Variants in DNAH8 observed in about 807,000 individuals in gnomAD.
DNAH8 encodes dynein axonemal heavy chain 8, also known as axonemal beta dynein heavy chain 8.
DNAH8 carries 382 observed loss-of-function variants against 562.1 expected under a neutral mutation model. The ratio of observed to expected loss-of-function variants is 0.68; its 90% confidence interval spans 0.63 to 0.74. DNAH8 has a LOEUF of 0.74. Among genes scored for constraint, DNAH8 ranks in the 30% least tolerant of loss-of-function variants. DNAH8 has a pLI of 0.00. For synonymous variants in DNAH8, 1,881 were observed against 1,919.4 expected (o/e 0.98, Z 0.52); for missense variants, 5,203 against 5,620.4 (o/e 0.93, Z 2.37).
At chr6:39,025,313 CGTT>C (rs1310654091) in intron 91 of DNAH8, among the ~76,000 whole-genome samples, 1 of 152,170 alleles carries the variant, frequency 6.6e-6, no homozygotes, top group Admixed American at 6.5e-5. Context: ...ATAATGACAA[CGTT>C]GTGTCAATGT....
intron 37 of DNAH8, among the ~76,000 whole-genome samples, chr6:38,849,739 A>G (rs1775591834): frequency 1.3e-5 from 2 of 152,176 alleles, no homozygotes; most frequent in Admixed American, 6.5e-5. Context: ...TACAAAGCTT[A>G]ATATCATTCA....
chr6:39,008,899 C>G lies in DNAH8; in HGVS notation c.13300C>G (p.Arg4434Gly). Residue 4434 changes from arginine to glycine, a missense_variant, in exon 89 of 93, where the codon CGG becomes GGG. Arg to Gly is a moderately radical substitution (Grantham distance 125, BLOSUM62 -2). Around this residue, in one of 6 missense-constraint regions of DNAH8, gnomAD observed 1,399 missense variants for 1,518.4 expected, o/e 0.92. Transcript: ENST00000327475. ...KESGGGVGET[R>G]EAIVYRLSED... The stretch of plus-strand genomic sequence containing the variant: ...GAGTGGAGGTGGTGTGGGAGAGACC[C>G]GGGAGGCTATTGTTTATAGATTATC... 1.2e-6 allele frequency: 2 copies of G among 1,607,510 alleles called. No individual in the cohort carries two copies. The highest frequency in any genetic ancestry group is 1.7e-5 in the Admixed American group (1 of 59,970).
intron 10 of DNAH8, among the ~76,000 whole-genome samples, chr6:38,756,490 CAA>C (rs1048718333): frequency 6.6e-5 from 10 of 151,628 alleles, no homozygotes; most frequent in Non-Finnish European, 1.0e-4. Flanking sequence ...AATGATTAAA[CAA>C]TATATATTTA....
chr6:38,723,005 C>A lies in DNAH8; in HGVS notation c.196C>A (p.Pro66Thr). Reference sequence around the variant, plus strand: ...TGTGGTGGATTATCGGGATCTCATTCCTTCTGAAGAAGGGATAGTTCTTCC... The same window carrying A: ...TGTGGTGGATTATCGGGATCTCATTACTTCTGAAGAAGGGATAGTTCTTCC... Reference protein sequence around the residue: ...SSVVDYRDLIPSEEGIVLPDD... With the variant: ...SSVVDYRDLITSEEGIVLPDD... The change falls in exon 2 of 93, where the codon CCT becomes ACT. Residue 66 changes from proline to threonine, a missense_variant. Transcript: ENST00000327475. 6.2e-7 allele frequency: 1 copy of A among 1,612,796 alleles called. No homozygotes were observed. Among genetic ancestry groups the A allele is most frequent in the Non-Finnish European group, 8.5e-7 (1 of 1,179,850 alleles).
In DNAH8 at chr6:38,883,018, ATT is replaced by A; in HGVS notation, c.7972_7973del (p.Leu2658AspfsTer9). ...CCAAATGTTGACAATATTAGAACAAATTTTTTGATAGACACCATTGCAAAACA... is the reference window on the plus strand; with the variant it reads ...CCAAATGTTGACAATATTAGAACAAATTTTGATAGACACCATTGCAAAACA... On this transcript the variant is annotated frameshift_variant, in exon 54 of 93. Transcript: ENST00000327475. LOFTEE classifies it high-confidence loss of function. The A allele has an allele frequency of 6.2e-7, 1 of 1,601,760 alleles. No homozygotes were observed. Among genetic ancestry groups the A allele is most frequent in the South Asian group, 1.1e-5 (1 of 87,344 alleles).
At chr6:38,774,646 GTC>G (rs1229279754) in intron 12 of DNAH8, among the ~76,000 whole-genome samples, 1 of 152,208 alleles carries the variant, frequency 6.6e-6, no homozygotes, top group Non-Finnish European at 1.5e-5. Flanking sequence ...TTTTGTCCTA[GTC>G]TCTGGCTGTT....
intron 9 of DNAH8, among the ~76,000 whole-genome samples, chr6:38,754,158 A>C (rs531014086): frequency 7.2e-5 from 11 of 152,258 alleles, no homozygotes; most frequent in Admixed American, 5.2e-4. Flanking sequence ...GACATATGAG[A>C]TATCTGAGCA....
chr6:38,902,153 C>G (rs1257648369), intron 62 of DNAH8, among the ~76,000 whole-genome samples: 2 of 152,170 alleles, frequency 1.3e-5, no homozygotes, highest in African/African-American at 4.8e-5. Flanking sequence ...AATTTATTCA[C>G]TATATTTTCT....
At chr6:39,003,531 CA>C (rs1349310743) in intron 88 of DNAH8, among the ~76,000 whole-genome samples, 1 of 152,132 alleles carries the variant, frequency 6.6e-6, no homozygotes, top group Non-Finnish European at 1.5e-5. Context: ...AAAAGCTCAT[CA>C]TACAAAAATC....
chr6:38,971,090 C>T (rs1430987302), intron 82 of DNAH8, among the ~76,000 whole-genome samples: 1 of 152,106 alleles, frequency 6.6e-6, no homozygotes, highest in Non-Finnish European at 1.5e-5. Context: ...GAAAAATGAT[C>T]AAACATACAA....
intron 52 of DNAH8, among the ~76,000 whole-genome samples, chr6:38,873,727 TACAC>T (rs762717515): frequency 0.01 from 996 of 96,470 alleles, 15 homozygotes; most frequent in African/African-American, 0.027. Context: ...CACATACACC[TACAC>T]ACACACACAC....
intron 30 of DNAH8, among the ~76,000 whole-genome samples, chr6:38,830,768 T>C (rs1773771282): frequency 6.6e-6 from 1 of 152,062 alleles, no homozygotes; most frequent in African/African-American, 2.4e-5. Flanking sequence ...TTGTCACTTA[T>C]ACTGAAGCAA....
intron 85 of DNAH8, 80 bp downstream of exon 85, chr6:38,974,609 G>T (rs1193691668): frequency 2.6e-6 from 3 of 1,168,562 alleles, no homozygotes; most frequent in East Asian, 2.3e-5. Context: ...TTCCAGGAGG[G>T]TGCTATCCGT....
At chr6:38,814,270 T>G in intron 25 of DNAH8, 141 bp downstream of exon 25, 4 of 605,130 alleles carry the variant, frequency 6.6e-6, no homozygotes, top group South Asian at 2.2e-5. Flanking sequence ...GAAATGTCAT[T>G]TATATCTGTT....
At chr6:38,874,529 C>T in intron 52 of DNAH8, among the ~76,000 whole-genome samples, 1 of 151,074 alleles carries the variant, frequency 6.6e-6, no homozygotes. Context: ...ACCACCATGC[C>T]CAGCTAATTT....
At chr6:38,789,620 A>G (rs1769507588) in intron 18 of DNAH8, among the ~76,000 whole-genome samples, 183 bp from the exon 19 acceptor site, 1 of 152,224 alleles carries the variant, frequency 6.6e-6, no homozygotes, top group African/African-American at 2.4e-5. Context: ...TTTAAAGGAG[A>G]TGCTCAGGTA....
In DNAH8 at chr6:38,781,171, A is replaced by C. The variant is rs1043905469; in HGVS notation, c.2140-83A>C. On this transcript the variant is annotated intron_variant, in intron 15 of 92. Coordinates refer to ENST00000327475, the MANE Select transcript of DNAH8 (RefSeq NM_001206927.2). Reference sequence around the variant, plus strand: ...GTATATAAAACATGAATAATGATAAAACAATACAAATATAGCTGTATATAT... The same window carrying C: ...GTATATAAAACATGAATAATGATAACACAATACAAATATAGCTGTATATAT... 2.1e-6 allele frequency: 3 copies of C among 1,460,216 alleles called. No individual in the cohort carries two copies. In the African/African-American group the frequency reaches 4.2e-5, roughly 21 times the overall value. The allele number at this position is 1,460,216 out of a possible 1,614,324, so 90.5% of individuals were successfully genotyped here.
chr6:38,760,804 T>TCTACCATGATTGTAAGCTTC (rs2127607278), intron 10 of DNAH8, among the ~76,000 whole-genome samples: 1 of 152,294 alleles, frequency 6.6e-6, no homozygotes, highest in East Asian at 1.9e-4. Flanking sequence ...CACTTTGCTT[T>TCTACCATGATTGTAAGCTTC]CTACCATGAT....
intron 7 of DNAH8, among the ~76,000 whole-genome samples, chr6:38,738,916 A>G (rs1366016324): frequency 1.3e-5 from 2 of 152,054 alleles, no homozygotes; most frequent in African/African-American, 4.8e-5. Context: ...CTTTGGTTAC[A>G]CTTGGAATTG....
Sources: gnomAD v4.1 joint callset for allele counts (sites outside exome capture counted in the v4.1 genomes callset) on GRCh38, gnomAD v4.1.1 for gene constraint, gnomAD v4.1.1 regional missense constraint, MANE v1.5 for transcripts, NCBI Gene and HGNC (gene_info 2026-07-23, HGNC 2026-07-21) for gene names.